Variants in PRKAR1B observed in about 807,000 individuals in gnomAD.
PRKAR1B encodes the protein protein kinase cAMP-dependent type I regulatory subunit beta.
A neutral mutation model predicts 46.5 loss-of-function variants in PRKAR1B; 22 were observed. The ratio of observed to expected loss-of-function variants is 0.47; its 90% confidence interval spans 0.34 to 0.68. The LOEUF (loss-of-function observed/expected upper bound fraction) is 0.68, where lower values mean the gene tolerates loss of function less well. Ranked by LOEUF, PRKAR1B falls within the 30% of genes least tolerant of loss-of-function variation. PRKAR1B has a pLI of 0.01. For missense variants in PRKAR1B, 445 were observed against 535.6 expected, an observed-to-expected ratio of 0.83 and a Z score of 1.67; for synonymous variants, 259 against 217.7, an observed-to-expected ratio of 1.19 and a Z score of -1.67.
intron 4 of PRKAR1B, among the ~76,000 whole-genome samples, chr7:637,429 A>G (rs572402937): frequency 6.6e-6 from 1 of 152,264 alleles, no homozygotes; most frequent in African/African-American, 2.4e-5. Context: ...AAAAACAAAC[A>G]AACAAATCAT....
intron 9 of PRKAR1B, among the ~76,000 whole-genome samples, chr7:559,180 A>G (rs1396975146): frequency 6.6e-6 from 1 of 152,240 alleles, no homozygotes; most frequent in Non-Finnish European, 1.5e-5. Flanking sequence ...GAGGGGAGGC[A>G]GACACAACCC....
chr7:557,472 A>G (rs1003569381), intron 9 of PRKAR1B, among the ~76,000 whole-genome samples: 17 of 152,220 alleles, frequency 1.1e-4, no homozygotes, highest in Non-Finnish European at 1.9e-4. Context: ...GACGGTGGTG[A>G]CAGTCCCCGT....
At chr7:555,944 G>C (rs558800334) in intron 9 of PRKAR1B, among the ~76,000 whole-genome samples, 1 of 152,180 alleles carries the variant, frequency 6.6e-6, no homozygotes, top group Non-Finnish European at 1.5e-5. Flanking sequence ...TGCATGACCA[G>C]ATGCCCCCGC....
chr7:556,577 G>A (rs1243483938), intron 9 of PRKAR1B, among the ~76,000 whole-genome samples: 1 of 152,192 alleles, frequency 6.6e-6, no homozygotes, highest in Admixed American at 6.5e-5. Context: ...GCCGGCAGGG[G>A]CCCCACCCGT....
chr7:658,332 G>T (rs1583370018), intron 4 of PRKAR1B, among the ~76,000 whole-genome samples: 1 of 152,292 alleles, frequency 6.6e-6, no homozygotes, highest in Admixed American at 6.5e-5. Flanking sequence ...GCTACTAGGA[G>T]GCTGAGGCAG....
At chr7:599,235 C>T (rs528688461) in intron 6 of PRKAR1B, among the ~76,000 whole-genome samples, 4 of 152,204 alleles carry the variant, frequency 2.6e-5, no homozygotes, top group African/African-American at 4.8e-5. Flanking sequence ...CGGCGCAGTG[C>T]GGGCCCCACC....
At chr7:612,101 G>A (rs867241526) in intron 4 of PRKAR1B, among the ~76,000 whole-genome samples, 3 of 150,116 alleles carry the variant, frequency 2.0e-5, no homozygotes, top group East Asian at 2.0e-4. Flanking sequence ...ATGAACAGGT[G>A]TGTGAGTAGA....
chr7:690,643 T>C (rs1779361082), intron 2 of PRKAR1B, among the ~76,000 whole-genome samples: 1 of 152,158 alleles, frequency 6.6e-6, no homozygotes, highest in African/African-American at 2.4e-5. Context: ...TGTGCCACTG[T>C]GCAGACATAA....
intron 1 of PRKAR1B, chr7:726,643 G>A (rs1325482838): frequency 4.5e-6 from 5 of 1,102,458 alleles, no homozygotes; most frequent in South Asian, 4.6e-5. Flanking sequence ...CCCGCAGCGC[G>A]GACCGGAAGT....
chr7:577,585 G>A (rs1044729689), intron 9 of PRKAR1B, among the ~76,000 whole-genome samples: 2 of 152,066 alleles, frequency 1.3e-5, no homozygotes, highest in Non-Finnish European at 2.9e-5. Flanking sequence ...TGGGGAGGGG[G>A]TTCCTCTCAG....
chr7:718,634 G>A (rs1780967602), intron 1 of PRKAR1B, among the ~76,000 whole-genome samples: 1 of 152,012 alleles, frequency 6.6e-6, no homozygotes, highest in African/African-American at 2.4e-5. Flanking sequence ...TGGGATTATA[G>A]ACGTGAGCCA....
intron 4 of PRKAR1B, among the ~76,000 whole-genome samples, chr7:661,230 C>A (rs1346656222): frequency 2.8e-5 from 3 of 109,030 alleles, no homozygotes; most frequent in South Asian, 3.6e-4. Context: ...GGTCCCCACC[C>A]CAACGGGTCC....
intron 9 of PRKAR1B, among the ~76,000 whole-genome samples, chr7:576,829 G>A (rs1193665319): frequency 6.6e-6 from 1 of 152,136 alleles, no homozygotes; most frequent in Non-Finnish European, 1.5e-5. Flanking sequence ...CTCAGGGAAG[G>A]GTAGTGAGGA....
intron 4 of PRKAR1B, among the ~76,000 whole-genome samples, chr7:640,815 A>AC (rs1784352010): frequency 3.0e-5 from 4 of 133,162 alleles, no homozygotes; most frequent in East Asian, 2.1e-4. Context: ...CACAGACACA[A>AC]ATGAAATACC....
intron 4 of PRKAR1B, among the ~76,000 whole-genome samples, chr7:611,569 T>G (rs941175834): frequency 1.3e-5 from 2 of 152,252 alleles, no homozygotes; most frequent in Non-Finnish European, 2.9e-5. Context: ...GTTCCTGTGC[T>G]TCTCACTCCA....
intron 4 of PRKAR1B, among the ~76,000 whole-genome samples, chr7:628,937 C>T (rs996577481): frequency 4.6e-5 from 7 of 152,072 alleles, no homozygotes; most frequent in African/African-American, 9.7e-5. Context: ...CTGCAGCCCA[C>T]GGCGGGCACT....
At chr7:608,724 A>G (rs1782280405) in intron 4 of PRKAR1B, among the ~76,000 whole-genome samples, 1 of 117,336 alleles carries the variant, frequency 8.5e-6, no homozygotes, top group African/African-American at 3.8e-5. Context: ...CCACCTGGGG[A>G]GGGGTCAGTG....
chr7:727,039 G>GCCGCGCGGCC (rs1781336194), intron 1 of PRKAR1B, 171 bp downstream of exon 1: 2 of 1,122,424 alleles, frequency 1.8e-6, no homozygotes, highest in South Asian at 4.2e-5. Flanking sequence ...CCTGCGCCGC[G>GCCGCGCGGCC]CCGCGCGGCC....
At chr7:671,736 G>C (rs1029520633) in intron 4 of PRKAR1B, among the ~76,000 whole-genome samples, 7 of 152,122 alleles carry the variant, frequency 4.6e-5, no homozygotes, top group Non-Finnish European at 1.0e-4. Flanking sequence ...GTGATGCCTT[G>C]TTCCCTGTGG....
Sources: gnomAD v4.1 joint callset for allele counts (sites outside exome capture counted in the v4.1 genomes callset) on GRCh38, gnomAD v4.1.1 for gene constraint, MANE v1.5 for transcripts, NCBI Gene and HGNC (gene_info 2026-07-23, HGNC 2026-07-21) for gene names.